The following SLC44A5 variants were observed in gnomAD, a reference collection of about 807,000 sequenced individuals.
SLC44A5 encodes the protein solute carrier family 44 member 5, also known as choline transporter-like protein 5.
Under a neutral mutation model 101.8 loss-of-function variants are expected in SLC44A5, and 57 were observed. That is an observed-to-expected ratio of 0.56 (90% CI 0.45 to 0.70). The LOEUF (loss-of-function observed/expected upper bound fraction) is 0.70. Ranked by LOEUF, SLC44A5 falls within the 30% of genes least tolerant of loss-of-function variation. The pLI, the probability that SLC44A5 is intolerant of heterozygous loss-of-function variation, is 0.00. For synonymous variants in SLC44A5, 281 were observed against 290.9 expected, an observed-to-expected ratio of 0.97 and a Z score of 0.35; for missense variants, 737 against 853.1, an observed-to-expected ratio of 0.86 and a Z score of 1.70.
intron 2 of SLC44A5, chr1:75,538,179 G>T (rs1332276346): frequency 2.0e-5 from 3 of 152,270 alleles, no homozygotes; most frequent in East Asian, 3.9e-4. Context: ...GATGGATCTT[G>T]ATGAGTTATG....
chr1:75,327,734 A>C (rs189243878), intron 4 of SLC44A5, among the ~76,000 whole-genome samples: 7 of 152,338 alleles, frequency 4.6e-5, no homozygotes, highest in African/African-American at 1.7e-4. Context: ...ACCCAGATAA[A>C]ATTTAATATA....
chr1:75,591,303 A>C (rs408340), intron 1 of SLC44A5, among the ~76,000 whole-genome samples: 145,664 of 152,064 alleles, frequency 0.96, 69,806 homozygotes, highest in African/African-American at 0.97. Flanking sequence ...ATAAAACAAT[A>C]GGAAAACAAA....
intron 3 of SLC44A5, among the ~76,000 whole-genome samples, chr1:75,386,331 T>C (rs1661343675): frequency 6.6e-6 from 1 of 152,182 alleles, no homozygotes; most frequent in Admixed American, 6.5e-5. Context: ...GCCGAAAATC[T>C]CCTTAAGCTG....
intron 8 of SLC44A5, 92 bp from the exon 9 acceptor site, chr1:75,242,153 C>T (rs1648690626): frequency 1.2e-6 from 1 of 863,064 alleles, no homozygotes; most frequent in Non-Finnish European, 1.9e-6. Context: ...AATTTAACTC[C>T]ATAATAATCT....
intron 2 of SLC44A5, among the ~76,000 whole-genome samples, chr1:75,454,190 T>A (rs77547693): frequency 0.23 from 35,560 of 151,942 alleles, 4,281 homozygotes; most frequent in African/African-American, 0.26. Context: ...CATTAAAAAA[T>A]GTAATTCTCC....
intron 6 of SLC44A5, among the ~76,000 whole-genome samples, chr1:75,265,745 C>T (rs949786958): frequency 6.6e-6 from 1 of 152,098 alleles, no homozygotes; most frequent in African/African-American, 2.4e-5. Context: ...GAGCATTGTC[C>T]TCTTAATCTT....
chr1:75,547,331 CT>C (rs1462954515), intron 1 of SLC44A5, among the ~76,000 whole-genome samples: 2 of 152,196 alleles, frequency 1.3e-5, no homozygotes, highest in African/African-American at 4.8e-5. Context: ...AAACTTTCCA[CT>C]CAATGGGTGC....
intron 4 of SLC44A5, among the ~76,000 whole-genome samples, chr1:75,331,753 G>A (rs1237340914): frequency 3.9e-5 from 6 of 152,038 alleles, no homozygotes; most frequent in East Asian, 1.9e-4. Context: ...GCACTCACAC[G>A]GGCCTCTCTG....
Position 75,452,871 on chromosome 1 carries a change from G to A in SLC44A5, c.14-56250C>T, listed in dbSNP as rs570197264. ...CCTAAATCTATATGCACCCAAGATTGGAGCACACAGAATCATAAAACAAGT... is the reference window on the plus strand; with the variant it reads ...CCTAAATCTATATGCACCCAAGATTAGAGCACACAGAATCATAAAACAAGT... On this transcript the variant is annotated intron_variant, in intron 2 of 23. Coordinates refer to ENST00000370859, the MANE Select transcript of SLC44A5 (RefSeq NM_001130058.2). Among the ~76,000 whole-genome samples, 16 of 152,202 alleles carry A rather than the reference G, an allele frequency of 1.1e-4. No homozygotes were observed. The East Asian group carries it at 2.9e-3, about 28-fold the overall frequency.
intron 2 of SLC44A5, among the ~76,000 whole-genome samples, chr1:75,540,206 C>T (rs1671283813): frequency 6.6e-6 from 1 of 152,188 alleles, no homozygotes; most frequent in African/African-American, 2.4e-5. Context: ...TTCTCAGGCA[C>T]TGTGCCAATT....
At position 75,211,571 on chromosome 1, in the gene SLC44A5, G is replaced by C. The variant is rs2100451451; in HGVS notation, c.1963-19C>G. ...TGACTGTCTGTAAATGGATGAAGAA[G>C]AGAACCAACATGTCATTTACTTTGA... is the stretch of plus-strand genomic sequence containing the variant. On this transcript the variant is annotated intron_variant, in intron 22 of 23. Coordinates refer to ENST00000370859, the MANE Select transcript of SLC44A5 (RefSeq NM_001130058.2). The C allele has an allele frequency of 6.5e-7, 1 of 1,538,510 alleles. No homozygotes were observed. The highest frequency in any genetic ancestry group is 9.0e-7 in the Non-Finnish European group (1 of 1,112,580).
In SLC44A5 at chr1:75,522,780, T is replaced by C. The variant is rs998321111; in HGVS notation, c.13+18655A>G. Among the ~76,000 whole-genome samples the C allele has an allele frequency of 7.9e-5, 12 of 152,354 alleles. No homozygotes were observed. In the South Asian group the frequency reaches 2.5e-3, roughly 32 times the overall value. Reference sequence around the variant, plus strand: ...AATGAGAGGGACCAACATTTCTTTCTGTGACTTAAATTGTACTTGCTTCAT... The same window carrying C: ...AATGAGAGGGACCAACATTTCTTTCCGTGACTTAAATTGTACTTGCTTCAT... On this transcript the variant is annotated intron_variant, in intron 2 of 23. Transcript: ENST00000370859.
intron 2 of SLC44A5, among the ~76,000 whole-genome samples, chr1:75,419,474 A>T (rs977984447): frequency 9.2e-5 from 14 of 151,990 alleles, no homozygotes; most frequent in Admixed American, 3.3e-4. Context: ...AGAGAGAGAA[A>T]AAAAAAAAGG....
chr1:75,302,332 T>C (rs897962858), intron 4 of SLC44A5, among the ~76,000 whole-genome samples: 10 of 152,002 alleles, frequency 6.6e-5, no homozygotes, highest in Non-Finnish European at 1.5e-4. Context: ...GTGCTTTAAT[T>C]AGAAATCTTG....
intron 1 of SLC44A5, among the ~76,000 whole-genome samples, chr1:75,592,105 T>A (rs1259630049): frequency 1.3e-5 from 2 of 152,156 alleles, no homozygotes; most frequent in Admixed American, 1.3e-4. Flanking sequence ...TGTTTGCAGA[T>A]GATATGATCT....
At chr1:75,298,597 GGAC>G (rs1190605284) in intron 5 of SLC44A5, among the ~76,000 whole-genome samples, 2 of 151,850 alleles carry the variant, frequency 1.3e-5, no homozygotes, top group Non-Finnish European at 2.9e-5. Flanking sequence ...ATTTTTCTGT[GGAC>G]TACATTAGAC....
At chr1:75,206,840 T>C in intron 23 of SLC44A5, 1 of 610,470 alleles carries the variant, frequency 1.6e-6, no homozygotes, top group Non-Finnish European at 2.9e-6. Context: ...AAGTCAAATA[T>C]AAGACAAATT....
At chr1:75,612,598 T>C (rs1218059671), upstream of SLC44A5, among the ~76,000 whole-genome samples, 1 of 152,260 alleles carries the variant, frequency 6.6e-6, no homozygotes, top group Non-Finnish European at 1.5e-5. Context: ...TGAAATTTTC[T>C]GGTTCATATT....
chr1:75,692,333 T>C, the SLC44A5 span, among the ~76,000 whole-genome samples: 14 of 151,862 alleles, frequency 9.2e-5, no homozygotes, highest in African/African-American at 3.1e-4. Flanking sequence ...AGCTGGGAAT[T>C]TGGGCATGTG....
Sources: gnomAD v4.1 joint callset for allele counts (sites outside exome capture counted in the v4.1 genomes callset) on GRCh38, gnomAD v4.1.1 for gene constraint, MANE v1.5 for transcripts, NCBI Gene and HGNC (gene_info 2026-07-23, HGNC 2026-07-21) for gene names.